The following CCSER2 variants were observed in gnomAD, a reference collection of about 807,000 sequenced individuals.
The protein encoded by CCSER2 is coiled-coil serine rich protein 2, also known as serine-rich coiled-coil domain-containing protein 2.
In CCSER2, 46 loss-of-function variants were observed where a neutral mutation model predicts 92.3. That is an observed-to-expected ratio of 0.50 (90% CI 0.39 to 0.64). CCSER2 has a LOEUF of 0.64. Ranked by LOEUF, CCSER2 falls within the 30% of genes least tolerant of loss-of-function variation. The pLI is 0.00. For synonymous variants in CCSER2, 433 were observed against 431.4 expected (o/e 1.00, Z -0.04); for missense variants, 1,244 against 1,238.9 (o/e 1.00, Z -0.06).
At chr10:84,479,719 A>C (rs943574212) in intron 9 of CCSER2, among the ~76,000 whole-genome samples, 1 of 152,244 alleles carries the variant, frequency 6.6e-6, no homozygotes, top group Non-Finnish European at 1.5e-5. Flanking sequence ...CTTAAATGAT[A>C]GTAAGCTCAC....
intron 9 of CCSER2, among the ~76,000 whole-genome samples, chr10:84,479,407 G>A (rs1310878012): frequency 6.6e-6 from 1 of 152,190 alleles, no homozygotes; most frequent in African/African-American, 2.4e-5. Context: ...GCTGCCAACA[G>A]CAGCAGAGCA....
At chr10:84,342,965 C>T (rs759366334) in intron 1 of CCSER2, among the ~76,000 whole-genome samples, 4 of 152,042 alleles carry the variant, frequency 2.6e-5, no homozygotes, top group Non-Finnish European at 4.4e-5. Context: ...CTCTGCCTCC[C>T]GGGTTCAAGC....
At chr10:84,487,821 T>C (rs1296680625) in intron 9 of CCSER2, among the ~76,000 whole-genome samples, 1 of 152,182 alleles carries the variant, frequency 6.6e-6, no homozygotes, top group Non-Finnish European at 1.5e-5. Flanking sequence ...CTTGTGCCAG[T>C]TTCAAAGGGA....
intron 1 of CCSER2, among the ~76,000 whole-genome samples, chr10:84,354,455 A>G (rs1845045885): frequency 6.6e-6 from 1 of 152,080 alleles, no homozygotes; most frequent in African/African-American, 2.4e-5. Context: ...GGAATTTGAC[A>G]CTACTGCTTG....
At chr10:84,472,186 T>G (rs1846848375) in intron 8 of CCSER2, among the ~76,000 whole-genome samples, 1 of 152,190 alleles carries the variant, frequency 6.6e-6, no homozygotes, top group African/African-American at 2.4e-5. Flanking sequence ...GGAGAGACTT[T>G]CCTTGAGGAT....
intron 1 of CCSER2, among the ~76,000 whole-genome samples, chr10:84,329,848 C>G (rs1490358588): frequency 6.6e-6 from 1 of 152,192 alleles, no homozygotes; most frequent in East Asian, 1.9e-4. Flanking sequence ...ATTACTGTTT[C>G]TCTTAATTTA....
At chr10:84,433,257 T>C (rs1022813823) in intron 5 of CCSER2, among the ~76,000 whole-genome samples, 6 of 152,234 alleles carry the variant, frequency 3.9e-5, no homozygotes, top group African/African-American at 1.4e-4. Flanking sequence ...AATAACTTGC[T>C]GAAATTTTGA....
intron 9 of CCSER2, among the ~76,000 whole-genome samples, chr10:84,506,620 C>T (rs1277287639): frequency 1.3e-5 from 2 of 151,448 alleles, no homozygotes; most frequent in East Asian, 1.9e-4. Context: ...AGTGAAACCC[C>T]GTCTCTACTA....
chr10:84,361,350 G>A (rs1196292711), intron 1 of CCSER2, among the ~76,000 whole-genome samples: 1 of 152,192 alleles, frequency 6.6e-6, no homozygotes, highest in Admixed American at 6.5e-5. Context: ...GAATTTGGTT[G>A]ACTTGCTTGC....
chr10:84,352,294 C>A (rs1844906981), intron 1 of CCSER2, among the ~76,000 whole-genome samples: 1 of 146,268 alleles, frequency 6.8e-6, no homozygotes, highest in South Asian at 2.2e-4. Context: ...CAGAGGAAGA[C>A]TCTGTCTCAA....
chr10:84,507,730 T>C (rs1330863048), intron 9 of CCSER2, among the ~76,000 whole-genome samples: 2 of 152,170 alleles, frequency 1.3e-5, no homozygotes, highest in East Asian at 3.9e-4. Flanking sequence ...ATGCTGTAGA[T>C]CTTTGAAGTG....
intron 9 of CCSER2, among the ~76,000 whole-genome samples, chr10:84,487,889 T>G (rs978989219): frequency 1.3e-5 from 2 of 152,110 alleles, no homozygotes; most frequent in African/African-American, 4.8e-5. Flanking sequence ...TCATAAATAG[T>G]TCTGATTATT....
intron 3 of CCSER2, among the ~76,000 whole-genome samples, chr10:84,415,296 T>A (rs1836129984): frequency 6.6e-6 from 1 of 152,204 alleles, no homozygotes; most frequent in Admixed American, 6.5e-5. Flanking sequence ...CTACCTTCAA[T>A]CTTTGAGGTT....
At chr10:84,403,550 G>A (rs1014490376) in intron 3 of CCSER2, among the ~76,000 whole-genome samples, 4 of 152,140 alleles carry the variant, frequency 2.6e-5, no homozygotes, top group Admixed American at 2.6e-4. Flanking sequence ...AAGTTCTCGT[G>A]TCCAAAATAT....
chr10:84,391,231 ACT>A (rs996942636), intron 3 of CCSER2: 14 of 1,248,232 alleles, frequency 1.1e-5, no homozygotes, highest in African/African-American at 4.4e-5. Flanking sequence ...AATGAGGAAA[ACT>A]TGCCCAAGCC....
chr10:84,392,316 CAAAAAAAAAAA>C (rs71473611), intron 3 of CCSER2, among the ~76,000 whole-genome samples: 6 of 53,860 alleles, frequency 1.1e-4, no homozygotes, highest in African/African-American at 3.8e-4. Flanking sequence ...TCTGAAGAAG[CAAAAAAAAAAA>C]AAAAAAAAAA....
chr10:84,473,881 C>T (rs1237146979), intron 8 of CCSER2, among the ~76,000 whole-genome samples: 4 of 152,162 alleles, frequency 2.6e-5, no homozygotes, highest in African/African-American at 9.7e-5. Flanking sequence ...ATTTCCCTTT[C>T]AGTTATAGCC....
intron 4 of CCSER2, among the ~76,000 whole-genome samples, chr10:84,424,413 C>T (rs1254292352): frequency 6.6e-6 from 1 of 152,052 alleles, no homozygotes; most frequent in African/African-American, 2.4e-5. Flanking sequence ...TCTTCTTCCT[C>T]AAGGTGACTA....
intron 3 of CCSER2, among the ~76,000 whole-genome samples, chr10:84,402,893 A>T (rs555086325): frequency 7.2e-5 from 11 of 152,322 alleles, no homozygotes; most frequent in African/African-American, 2.4e-4. Context: ...TCCTAAATTT[A>T]TAAAGACTTA....
Sources: gnomAD v4.1 joint callset for allele counts (sites outside exome capture counted in the v4.1 genomes callset) on GRCh38, gnomAD v4.1.1 for gene constraint, MANE v1.5 for transcripts, NCBI Gene and HGNC (gene_info 2026-07-23, HGNC 2026-07-21) for gene names.